CCDC148: variants seen among roughly 807,000 people sequenced by gnomAD.
CCDC148 encodes coiled-coil domain-containing protein 148.
A neutral mutation model predicts 85.7 loss-of-function variants in CCDC148; 89 were observed. The observed-to-expected ratio is 1.04, with a 90% CI of 0.87 to 1.24. The LOEUF (loss-of-function observed/expected upper bound fraction) is 1.24, where lower values mean the gene tolerates loss of function less well. CCDC148 is among the 50% of genes most tolerant of loss of function. The pLI, the probability that CCDC148 is intolerant of heterozygous loss-of-function variation, is 0.00. For synonymous variants in CCDC148, 230 were observed against 213.9 expected (o/e 1.08, Z -0.66); for missense variants, 692 against 671.7 (o/e 1.03, Z -0.33).
At chr2:158,239,562 G>GTTAAT (rs912217846) in intron 10 of CCDC148, among the ~76,000 whole-genome samples, 1 of 124,778 alleles carries the variant, frequency 8.0e-6, no homozygotes, top group Non-Finnish European at 1.9e-5. Flanking sequence ...ATGTTAGAAG[G>GTTAAT]TTAATTTAAT....
chr2:158,217,352 AT>A lies in CCDC148; in HGVS notation c.1370+3242del, dbSNP rs1558990100. The stretch of plus-strand genomic sequence containing the variant: ...TAATTTTGTGTATATATATATATAT[AT>A]ATAAAATTTTGTGTGTGTGTGTATA... On this transcript the variant is annotated intron_variant, in intron 11 of 13. Transcript: ENST00000283233. Among the ~76,000 whole-genome samples, 375 of 128,090 alleles carry A rather than the reference AT, an allele frequency of 2.9e-3. 8 individuals are homozygous for A. Among genetic ancestry groups the A allele is most frequent in the African/African-American group, 9.8e-3 (350 of 35,720 alleles). The allele number at this position is 128,090 out of a possible 152,430, so 84.0% of individuals were successfully genotyped here.
chr2:158,340,852 T>C (rs935140640), intron 3 of CCDC148, among the ~76,000 whole-genome samples, 172 bp from the exon 4 acceptor site: 4 of 152,182 alleles, frequency 2.6e-5, no homozygotes, highest in Non-Finnish European at 4.4e-5. Flanking sequence ...GGTAGATGCA[T>C]AGGCTCAGGG....
chr2:158,368,890 G>GT (rs528152934), intron 1 of CCDC148, among the ~76,000 whole-genome samples: 49 of 151,800 alleles, frequency 3.2e-4, no homozygotes, highest in Admixed American at 1.6e-3. Flanking sequence ...TAAGGAGGCA[G>GT]TTTTTTTTAA....
intron 1 of CCDC148, among the ~76,000 whole-genome samples, chr2:158,418,143 C>A (rs538837294): frequency 4.0e-5 from 6 of 151,388 alleles, no homozygotes; most frequent in Non-Finnish European, 8.8e-5. Flanking sequence ...CCGTGTAATA[C>A]TAAAGCCTGA....
Position 158,269,062 on chromosome 2 carries a change from T to G in CCDC148, c.1111-18150A>C, listed in dbSNP as rs546120249. On this transcript the variant is annotated intron_variant, in intron 9 of 13. Transcript: ENST00000283233. The stretch of plus-strand genomic sequence containing the variant: ...TCTTTGATTGGTGATAATTTCATTT[T>G]CTTTGGGTATATATTCAGAAGATGA... Among the ~76,000 whole-genome samples, 237 of 152,312 alleles carry G rather than the reference T, an allele frequency of 1.6e-3. 1 individual carries two copies. The highest frequency in any genetic ancestry group is 6.8e-3 in the Middle Eastern group (2 of 294).
intron 9 of CCDC148, among the ~76,000 whole-genome samples, chr2:158,268,979 C>T (rs1689587127): frequency 6.6e-6 from 1 of 152,128 alleles, no homozygotes; most frequent in Non-Finnish European, 1.5e-5. Context: ...CCTTGATGGA[C>T]ACTTAGGTTG....
intron 1 of CCDC148, among the ~76,000 whole-genome samples, chr2:158,412,856 A>G (rs1405861826): frequency 1.4e-5 from 2 of 141,452 alleles, no homozygotes; most frequent in East Asian, 3.9e-4. Flanking sequence ...TATTATTATT[A>G]TTATTATTAT....
At chr2:158,315,675 A>G (rs1042914700) in intron 7 of CCDC148, among the ~76,000 whole-genome samples, 5 of 152,004 alleles carry the variant, frequency 3.3e-5, no homozygotes, top group African/African-American at 1.2e-4. Context: ...TGGAATTCCC[A>G]TCACCGAGAT....
chr2:158,272,079 C>T (rs1471172359), intron 9 of CCDC148, among the ~76,000 whole-genome samples: 1 of 152,098 alleles, frequency 6.6e-6, no homozygotes, highest in Non-Finnish European at 1.5e-5. Context: ...GGCTGATGTT[C>T]AGTTGGTTAA....
intron 5 of CCDC148, among the ~76,000 whole-genome samples, chr2:158,339,609 A>T (rs1682567388): frequency 6.6e-6 from 1 of 152,224 alleles, no homozygotes. Context: ...AGAAAGGGTC[A>T]GGAGCAGGAA....
intron 9 of CCDC148, among the ~76,000 whole-genome samples, chr2:158,285,506 C>T (rs983664531): frequency 3.3e-5 from 5 of 151,096 alleles, no homozygotes; most frequent in Admixed American, 6.6e-5. Context: ...ACATATACTT[C>T]TAGCAAACTA....
intron 7 of CCDC148, among the ~76,000 whole-genome samples, chr2:158,316,902 C>G (rs1041264175): frequency 2.6e-5 from 4 of 152,154 alleles, no homozygotes; most frequent in African/African-American, 9.7e-5. Flanking sequence ...AAAATAAAAT[C>G]AGATTCAATA....
At chr2:158,354,230 A>T (rs973368180) in intron 2 of CCDC148, among the ~76,000 whole-genome samples, 15 of 152,142 alleles carry the variant, frequency 9.9e-5, no homozygotes, top group Non-Finnish European at 1.9e-4. Flanking sequence ...TGAAAATCAG[A>T]GCAGAACTGA....
rs181154724 is a variant in CCDC148, at chr2:158,424,929, T to C, written c.25+31486A>G. The stretch of plus-strand genomic sequence containing the variant: ...AACGAAATTGTTAGACAGCAGATTA[T>C]TATCAAATTGGTTCTGGGAAGTGTT... On this transcript the variant is annotated intron_variant, in intron 1 of 13. Transcript: ENST00000283233. 100 of 287,866 alleles carry C rather than the reference T, an allele frequency of 3.5e-4. 1 individual carries two copies. Among genetic ancestry groups the C allele is most frequent in the African/African-American group, 2.0e-3 (91 of 45,820 alleles). The allele number at this position is 287,866 out of a possible 1,614,324, so 17.8% of individuals were successfully genotyped here.
chr2:158,273,605 G>A (rs1335852927), intron 9 of CCDC148, among the ~76,000 whole-genome samples: 16 of 152,072 alleles, frequency 1.1e-4, no homozygotes, highest in South Asian at 1.0e-3. Context: ...ATCTCCCGAC[G>A]CTCACAAAGA....
chr2:158,355,473 T>A (rs923080914), intron 2 of CCDC148, among the ~76,000 whole-genome samples: 2 of 151,660 alleles, frequency 1.3e-5, no homozygotes, highest in Non-Finnish European at 2.9e-5. Context: ...TGAACTCCCA[T>A]TCACAATTGC....
intron 1 of CCDC148, among the ~76,000 whole-genome samples, chr2:158,370,190 C>T (rs1684380727): frequency 6.6e-6 from 1 of 151,956 alleles, no homozygotes; most frequent in Admixed American, 6.6e-5. Flanking sequence ...GGCTTAATAC[C>T]TAGGTGATGG....
intron 1 of CCDC148, among the ~76,000 whole-genome samples, chr2:158,404,373 A>T (rs936017788): frequency 1.3e-5 from 2 of 151,948 alleles, no homozygotes; most frequent in Non-Finnish European, 2.9e-5. Flanking sequence ...GTAAATGAGG[A>T]TGCCTAGACA....
chr2:158,347,264 C>T (rs571239789), intron 2 of CCDC148, among the ~76,000 whole-genome samples: 1 of 152,068 alleles, frequency 6.6e-6, no homozygotes, highest in East Asian at 1.9e-4. Context: ...GACGGGGACA[C>T]ATTTTTATAG....
Sources: gnomAD v4.1 joint callset for allele counts (sites outside exome capture counted in the v4.1 genomes callset) on GRCh38, gnomAD v4.1.1 for gene constraint, MANE v1.5 for transcripts, NCBI Gene and HGNC (gene_info 2026-07-23, HGNC 2026-07-21) for gene names.